The following FAS variants were observed in gnomAD, a reference collection of about 807,000 sequenced individuals.
FAS encodes Fas cell surface death receptor, also known as tumor necrosis factor receptor superfamily member 6.
FAS carries 5 observed loss-of-function variants against 33.2 expected under a neutral mutation model. The ratio of observed to expected loss-of-function variants is 0.15; its 90% confidence interval spans 0.08 to 0.32. The LOEUF (loss-of-function observed/expected upper bound fraction) is 0.32, where lower values mean the gene tolerates loss of function less well. Ranked by LOEUF, FAS falls within the 10% of genes least tolerant of loss-of-function variation. The probability of loss-of-function intolerance (pLI) is 1.00; values close to 1 mark genes in which losing one functional copy is unlikely to be tolerated. For missense variants in FAS, 339 were observed against 386.0 expected (o/e 0.88, Z 1.02); for synonymous variants, 131 against 130.7 (o/e 1.00, Z -0.01).
At chr10:88,988,788 G>C (rs1191336531), upstream of FAS, among the ~76,000 whole-genome samples, 5 of 152,094 alleles carry the variant, frequency 3.3e-5, no homozygotes, top group African/African-American at 1.2e-4. Flanking sequence ...GAAGTTTGGG[G>C]AACAGTATAT....
In FAS at chr10:88,967,087, AGAGACCCTC is replaced by A. The variant is rs1262530271; in HGVS notation, n.95-6090_95-6082del. ...CCCCTAGAAAAGAAAGTGAACAGGA[AGAGACCCTC>A]GAGATATCTTTGGATGCATCAAGAA... is the stretch of plus-strand genomic sequence containing the variant. On this transcript the variant is annotated intron_variant and non_coding_transcript_variant, in intron 1 of 3. Coordinates refer to the FAS transcript ENST00000688239. 5.9e-5 allele frequency among the ~76,000 whole-genome samples: 9 copies of A among 152,360 alleles called. No individual in the cohort carries two copies. The Middle Eastern group carries it at 0.014, about 230-fold the overall frequency.
chr10:89,013,196 A>G (rs1848617156), intron 7 of FAS, 147 bp from the exon 8 acceptor site: 11 of 718,888 alleles, frequency 1.5e-5, no homozygotes, highest in Non-Finnish European at 2.5e-5. Flanking sequence ...AACCTTCTTA[A>G]TCACTTAATC....
At position 88,997,798 on chromosome 10, in the gene FAS, C is replaced by T. The variant is rs111341704; in HGVS notation, c.31-5231C>T. 1.3e-3 allele frequency among the ~76,000 whole-genome samples: 201 copies of T among 152,220 alleles called. 1 individual carries two copies. The highest frequency in any genetic ancestry group is 4.5e-3 in the African/African-American group (187 of 41,532). ...CTACAAGCAGACAAGCAGAATTAGT[C>T]GGTGGAACTTCATTTCTTGCTCCAT... On this transcript the variant is annotated intron_variant, in intron 1 of 8. Transcript: ENST00000652046.
rs748148400 is a variant in FAS at position 89,012,071 on chromosome 10, C to A, written c.641C>A (p.Thr214Asn). ...AACCAAGGTTCTCATGAATCTCCAA[C>A]TTTAAATCCTGTAGGTATTGAAATA... ...KENQGSHESPTLNPETVAINL... is the reference protein window; with the variant it reads ...KENQGSHESPNLNPETVAINL... Residue 214 changes from threonine to asparagine, a missense_variant, in exon 7 of 9, where the codon ACT becomes AAT. Physicochemically the swap from Thr to Asn is moderately conservative, Grantham distance 65. Around this residue, in one of 3 missense-constraint regions of FAS, gnomAD observed 276 missense variants for 300.1 expected, o/e 0.92. Coordinates refer to ENST00000652046, the MANE Select transcript of FAS (RefSeq NM_000043.6). The A allele has an allele frequency of 1.4e-5, 23 of 1,612,698 alleles. No homozygotes were observed. In the East Asian group the frequency reaches 4.9e-4, roughly 34 times the overall value.
chr10:88,984,474 A>T (rs1043314879), upstream of FAS, among the ~76,000 whole-genome samples: 1 of 152,222 alleles, frequency 6.6e-6, no homozygotes, highest in Non-Finnish European at 1.5e-5. Flanking sequence ...TCAAGTGGCA[A>T]ATGACACTAG....
At chr10:89,005,763 A>T (rs768795612) in intron 2 of FAS, among the ~76,000 whole-genome samples, 14 of 152,050 alleles carry the variant, frequency 9.2e-5, no homozygotes, top group Non-Finnish European at 1.8e-4. Flanking sequence ...TCAGCCTCCC[A>T]AGTAGCTGGG....
intron 2 of FAS, among the ~76,000 whole-genome samples, chr10:88,978,941 A>G (rs1846641763): frequency 6.6e-6 from 1 of 151,622 alleles, no homozygotes; most frequent in African/African-American, 2.4e-5. Context: ...TTCATCAAGA[A>G]TTTACTGTTT....
At chr10:88,980,707 T>C (rs974229549) in intron 2 of FAS, among the ~76,000 whole-genome samples, 2 of 152,204 alleles carry the variant, frequency 1.3e-5, no homozygotes. Context: ...ATGTCCCCCC[T>C]CTGGAGCAAG....
upstream of FAS, among the ~76,000 whole-genome samples, chr10:88,983,638 A>C (rs7896775): frequency 0.032 from 3,177 of 100,130 alleles, 136 homozygotes; most frequent in African/African-American, 0.11. Flanking sequence ...AAAAAAAAAA[A>C]ACACACACAC....
chr10:89,004,232 A>G (rs1270930831), intron 2 of FAS, among the ~76,000 whole-genome samples: 1 of 152,168 alleles, frequency 6.6e-6, no homozygotes, highest in Non-Finnish European at 1.5e-5. Context: ...ACTGTCAAGG[A>G]TTTTTGTCTA....
intron 2 of FAS, among the ~76,000 whole-genome samples, chr10:88,977,007 C>T (rs1345339695): frequency 6.6e-6 from 1 of 152,122 alleles, no homozygotes; most frequent in East Asian, 1.9e-4. Flanking sequence ...GCCTACATAT[C>T]CCAAAGGAGA....
intron 1 of FAS, among the ~76,000 whole-genome samples, chr10:88,994,867 C>A: frequency 6.6e-6 from 1 of 150,634 alleles, no homozygotes; most frequent in African/African-American, 2.4e-5. Context: ...TGAAAAAAAG[C>A]ATTTCTTAAA....
intron 2 of FAS, chr10:88,975,114 C>A (rs1846532720): frequency 3.3e-5 from 5 of 151,552 alleles, no homozygotes. Flanking sequence ...ATTAAATTAC[C>A]CACTGAAGTG....
upstream of FAS, among the ~76,000 whole-genome samples, chr10:88,985,273 T>C (rs1261083435): frequency 1.3e-5 from 2 of 152,180 alleles, no homozygotes; most frequent in Non-Finnish European, 1.5e-5. Flanking sequence ...ATCTAGGGAC[T>C]CTGTCCTTCA....
intron 1 of FAS, among the ~76,000 whole-genome samples, chr10:89,001,069 A>C (rs771474287): frequency 6.6e-6 from 1 of 152,106 alleles, no homozygotes; most frequent in Non-Finnish European, 1.5e-5. Context: ...ACAAAACAAA[A>C]CAACAACAAC....
intron 3 of FAS, 139 bp downstream of exon 3, chr10:89,007,976 C>G (rs559821285): frequency 7.4e-7 from 1 of 1,344,422 alleles, no homozygotes; most frequent in African/African-American, 1.5e-5. Flanking sequence ...GCTAGGGTAC[C>G]GCAGAACCAG....
At chr10:89,001,147 C>A in intron 1 of FAS, among the ~76,000 whole-genome samples, 1 of 152,304 alleles carries the variant, frequency 6.6e-6, no homozygotes, top group East Asian at 1.9e-4. Flanking sequence ...TAAATCACAA[C>A]AAACCGTTTG....
At position 89,008,990 on chromosome 10, in the gene FAS, T is replaced by A; in HGVS notation, c.436T>A (p.Cys146Ser). 2 of 1,612,688 alleles carry A rather than the reference T, an allele frequency of 1.2e-6. No homozygotes were observed. Among genetic ancestry groups the A allele is most frequent in the Non-Finnish European group, 1.7e-6 (2 of 1,178,660 alleles). ...NSTVCEHCDPCTKCEHGIIKE... is the reference protein window; with the variant it reads ...NSTVCEHCDPSTKCEHGIIKE... ...TACTGTATGTGAACACTGTGACCCT[T>A]GCACCAAGTAAGTTTTAGTCTTTCT... Residue 146 changes from cysteine to serine, a missense_variant, in exon 4 of 9, where the codon TGC becomes AGC. Coordinates refer to ENST00000652046, the MANE Select transcript of FAS (RefSeq NM_000043.6).
chr10:88,968,705 T>C (rs1358170282), intron 1 of FAS, among the ~76,000 whole-genome samples: 1 of 152,178 alleles, frequency 6.6e-6, no homozygotes, highest in Non-Finnish European at 1.5e-5. Context: ...TTTTCCTCCT[T>C]AATTCTCACT....
Sources: allele counts gnomAD v4.1 joint callset (sites outside exome capture counted in the v4.1 genomes callset), GRCh38; gene constraint gnomAD v4.1.1; regional missense constraint gnomAD v4.1.1; transcripts MANE v1.5; gene names NCBI Gene and HGNC (gene_info 2026-07-23, HGNC 2026-07-21).